The following SP100 variants were observed in gnomAD, a reference collection of about 807,000 sequenced individuals.
SP100 encodes SP100 nuclear body protein.
Under a neutral mutation model 130.0 loss-of-function variants are expected in SP100, and 84 were observed. That is an observed-to-expected ratio of 0.65 (90% confidence interval 0.54 to 0.77). The LOEUF is 0.77. SP100 is among the 30% of genes least tolerant of loss of function. The probability of loss-of-function intolerance (pLI) is 0.00; values close to 1 mark genes in which losing one functional copy is unlikely to be tolerated. For synonymous variants in SP100, 331 were observed against 351.7 expected (o/e 0.94, Z 0.66); for missense variants, 978 against 1,052.2 (o/e 0.93, Z 0.97).
chr2:230,427,350 C>G (rs1046824463), intron 2 of SP100, among the ~76,000 whole-genome samples: 1 of 151,990 alleles, frequency 6.6e-6, no homozygotes, highest in Non-Finnish European at 1.5e-5. Context: ...TTAGTAGAGA[C>G]GGGGTTTCAC....
chr2:230,518,481 CTT>C (rs976714129), intron 24 of SP100, among the ~76,000 whole-genome samples: 2 of 151,680 alleles, frequency 1.3e-5, no homozygotes, highest in Admixed American at 6.6e-5. Context: ...AATGAGAACT[CTT>C]TTATAATTTT....
intron 1 of SP100, 92 bp downstream of exon 1, chr2:230,416,420 T>A: frequency 9.2e-7 from 1 of 1,084,508 alleles, no homozygotes; most frequent in East Asian, 2.5e-5. Context: ...GGCTTCACTT[T>A]AATCCTTCTT....
rs1692150198 is a variant in SP100 at position 230,540,948 on chromosome 2, T to C, written c.2283T>C (p.His761=). The change falls in exon 26 of 29, where the codon CAT becomes CAC. Residue 761 remains histidine, a synonymous_variant. Coordinates refer to ENST00000340126, the MANE Select transcript of SP100 (RefSeq NM_001080391.2). ...QERCPESQSG[H]QESEVLMRQM... The stretch of plus-strand genomic sequence containing the variant: ...GATGCCCAGAAAGCCAATCAGGTCA[T>C]CAGGAATCTGAAGTCCTGATGAGGC... 6.2e-7 allele frequency: 1 copy of C among 1,613,636 alleles called. No homozygotes were observed. The highest frequency in any genetic ancestry group is 1.3e-5 in the African/African-American group (1 of 74,900).
intron 20 of SP100, among the ~76,000 whole-genome samples, chr2:230,503,895 A>G (rs907770650): frequency 6.6e-6 from 1 of 152,196 alleles, no homozygotes; most frequent in African/African-American, 2.4e-5. Context: ...CCTTCAAAAC[A>G]TCAGGAGGAA....
intron 25 of SP100, 108 bp downstream of exon 25, chr2:230,539,490 G>A (rs1692080245): frequency 4.2e-6 from 3 of 707,452 alleles, no homozygotes; most frequent in Non-Finnish European, 7.5e-6. Flanking sequence ...TGTGTTTCTT[G>A]ATGCATAAGG....
intron 28 of SP100, 140 bp downstream of exon 28, chr2:230,542,175 T>G: frequency 5.4e-6 from 5 of 925,536 alleles, no homozygotes; most frequent in Non-Finnish European, 8.2e-6. Flanking sequence ...ATCCTGGAAG[T>G]ATCCTAAAAG....
intron 24 of SP100, among the ~76,000 whole-genome samples, chr2:230,531,240 TA>T (rs568306140): frequency 6.6e-6 from 1 of 152,110 alleles, no homozygotes; most frequent in South Asian, 2.1e-4. Context: ...TATGCAGCCA[TA>T]AAAAAGGATG....
intron 8 of SP100, among the ~76,000 whole-genome samples, chr2:230,453,519 T>G (rs866205697): frequency 2.7e-4 from 41 of 152,362 alleles, no homozygotes; most frequent in Middle Eastern, 3.4e-3. Context: ...GTTTTTATCA[T>G]GAAAAAATGT....
rs188859658 is a variant in SP100, at chr2:230,417,021, T to A, written c.33-570T>A. The A allele has an allele frequency of 9.5e-4, 336 of 353,456 alleles. 1 individual carries two copies. The highest frequency in any genetic ancestry group is 7.1e-4 in the Non-Finnish European group (180 of 252,240). The allele number at this position is 353,456 out of a possible 1,614,324, so 21.9% of individuals were successfully genotyped here. ...AAATAACATTACTTAATCTTTTAAA[T>A]TTTTTAATACAAAAGAAATACACTG... On this transcript the variant is annotated intron_variant, in intron 1 of 28. Transcript: ENST00000340126.
chr2:230,540,151 CT>C (rs1692112994), intron 25 of SP100, among the ~76,000 whole-genome samples: 1 of 152,180 alleles, frequency 6.6e-6, no homozygotes, highest in African/African-American at 2.4e-5. Context: ...TGTATAGCCC[CT>C]ATCTCTGCAC....
At chr2:230,515,080 G>T (rs1460428469) in intron 24 of SP100, 1 of 1,609,922 alleles carries the variant, frequency 6.2e-7, no homozygotes, top group Non-Finnish European at 8.5e-7. Flanking sequence ...TGCATTTTTT[G>T]TGCAAACTTG....
intron 1 of SP100, chr2:230,416,882 G>A: frequency 1.0e-6 from 1 of 985,478 alleles, no homozygotes; most frequent in Non-Finnish European, 1.2e-6. Context: ...AAGGCCCAGG[G>A]TGACAAACGG....
At chr2:230,482,814 A>G (rs532852075) in intron 17 of SP100, among the ~76,000 whole-genome samples, 1 of 152,300 alleles carries the variant, frequency 6.6e-6, no homozygotes, top group South Asian at 2.1e-4. Flanking sequence ...ACGTATTAAT[A>G]TCAGGTAGGG....
chr2:230,508,310 A>ATT, intron 23 of SP100: 2 of 129,138 alleles, frequency 1.5e-5, no homozygotes, highest in South Asian at 3.5e-4. Context: ...TAAATGCCAT[A>ATT]CTTTTTTTTT....
chr2:230,480,106 ACT>A (rs1412216798), intron 17 of SP100, among the ~76,000 whole-genome samples: 1 of 152,074 alleles, frequency 6.6e-6, no homozygotes, highest in Non-Finnish European at 1.5e-5. Flanking sequence ...TCCACAAAAC[ACT>A]CTGCCATCTT....
chr2:230,514,953 G>A, intron 24 of SP100: 1 of 1,398,184 alleles, frequency 7.2e-7, no homozygotes, highest in Non-Finnish European at 9.6e-7. Flanking sequence ...CATAGAGATA[G>A]TGCTGGCGCA....
chr2:230,470,227 C>A (rs2065199224), intron 15 of SP100, 129 bp downstream of exon 15: 1 of 1,340,198 alleles, frequency 7.5e-7, no homozygotes. Flanking sequence ...CTGGGAACTC[C>A]TTTTTGCATT....
intron 26 of SP100, 126 bp from the exon 27 acceptor site, chr2:230,541,175 A>C: frequency 8.2e-7 from 1 of 1,214,172 alleles, no homozygotes; most frequent in Non-Finnish European, 1.2e-6. Flanking sequence ...GTCCAAAGAA[A>C]CTCCCCATGC....
intron 2 of SP100, among the ~76,000 whole-genome samples, chr2:230,438,769 G>A (rs2149893245): frequency 6.6e-6 from 1 of 151,760 alleles, no homozygotes; most frequent in Non-Finnish European, 1.5e-5. Context: ...TCATTGATTA[G>A]TGGGCATTTA....
Sources: gnomAD v4.1 joint callset for allele counts (sites outside exome capture counted in the v4.1 genomes callset) on GRCh38, gnomAD v4.1.1 for gene constraint, MANE v1.5 for transcripts, NCBI Gene and HGNC (gene_info 2026-07-23, HGNC 2026-07-21) for gene names.